The following RSRC1 variants were observed in gnomAD, a reference collection of about 807,000 sequenced individuals.
The protein encoded by RSRC1 is serine/Arginine-related protein 53.
A neutral mutation model predicts 49.1 loss-of-function variants in RSRC1; 39 were observed. The observed-to-expected ratio is 0.79, with a 90% CI of 0.61 to 1.04. The LOEUF (loss-of-function observed/expected upper bound fraction) is 1.04. Among genes scored for constraint, RSRC1 ranks in the 50% least tolerant of loss-of-function variants. The pLI is 0.00. For synonymous variants in RSRC1, 143 were observed against 130.8 expected (o/e 1.09, Z -0.63); for missense variants, 388 against 402.4 (o/e 0.96, Z 0.31).
At chr3:158,422,332 T>A (rs1192508089) in intron 6 of RSRC1, among the ~76,000 whole-genome samples, 6 of 150,686 alleles carry the variant, frequency 4.0e-5, no homozygotes, top group African/African-American at 1.5e-4. Context: ...GGTGTTTGGT[T>A]TTTTGTTCTT....
chr3:158,513,545 A>G (rs1458973309), intron 7 of RSRC1, among the ~76,000 whole-genome samples: 1 of 152,130 alleles, frequency 6.6e-6, no homozygotes, highest in East Asian at 1.9e-4. Context: ...TTTTTGCATC[A>G]ATGTTCATCA....
At chr3:158,231,039 C>T (rs547136145) in intron 4 of RSRC1, among the ~76,000 whole-genome samples, 29 of 151,526 alleles carry the variant, frequency 1.9e-4, no homozygotes, top group Non-Finnish European at 3.5e-4. Flanking sequence ...AGCCTATTCT[C>T]GTGTTTAGCA....
intron 5 of RSRC1, among the ~76,000 whole-genome samples, chr3:158,338,047 A>G (rs1033249500): frequency 1.3e-5 from 2 of 152,314 alleles, no homozygotes; most frequent in Non-Finnish European, 2.9e-5. Context: ...TGAGGAGGTA[A>G]TAGTATTGGA....
At chr3:158,440,827 A>G (rs1736343032) in intron 6 of RSRC1, among the ~76,000 whole-genome samples, 1 of 152,016 alleles carries the variant, frequency 6.6e-6, no homozygotes, top group African/African-American at 2.4e-5. Flanking sequence ...CTGTAATCCC[A>G]GCTACTTGGG....
intron 4 of RSRC1, among the ~76,000 whole-genome samples, chr3:158,256,777 G>A (rs1019066410): frequency 6.6e-6 from 1 of 152,070 alleles, no homozygotes; most frequent in African/African-American, 2.4e-5. Flanking sequence ...AGAGATTCAA[G>A]TTCGTCCTGG....
intron 6 of RSRC1, among the ~76,000 whole-genome samples, chr3:158,391,493 T>C (rs1382798184): frequency 2.0e-5 from 3 of 152,166 alleles, no homozygotes; most frequent in Non-Finnish European, 4.4e-5. Context: ...CTAGTAATGG[T>C]ATACCAAATG....
chr3:158,524,727 C>T (rs904711226), intron 7 of RSRC1, among the ~76,000 whole-genome samples: 1 of 151,958 alleles, frequency 6.6e-6, no homozygotes, highest in Non-Finnish European at 1.5e-5. Flanking sequence ...GGTAGAGAGA[C>T]CTTGCTCAAC....
At chr3:158,227,312 A>C in intron 4 of RSRC1, among the ~76,000 whole-genome samples, 1 of 151,806 alleles carries the variant, frequency 6.6e-6, no homozygotes, top group East Asian at 1.9e-4. Flanking sequence ...CTCTGCCCCC[A>C]AGATTAGACG....
intron 7 of RSRC1, among the ~76,000 whole-genome samples, chr3:158,525,876 G>A (rs541853757): frequency 6.6e-6 from 1 of 151,984 alleles, no homozygotes; most frequent in East Asian, 1.9e-4. Flanking sequence ...TTGTCTGGGG[G>A]TCAGGGTAGA....
chr3:158,244,583 T>C (rs1377312921), intron 4 of RSRC1, among the ~76,000 whole-genome samples: 1 of 152,202 alleles, frequency 6.6e-6, no homozygotes, highest in Non-Finnish European at 1.5e-5. Context: ...TGAAGTTTTC[T>C]TTTTGTTTTG....
chr3:158,527,127 C>T (rs1406347226), intron 7 of RSRC1, among the ~76,000 whole-genome samples: 1 of 142,900 alleles, frequency 7.0e-6, no homozygotes, highest in Non-Finnish European at 1.5e-5. Context: ...TGAATATACT[C>T]GCCGCTTCTG....
chr3:158,536,150 G>A (rs1460228524), intron 7 of RSRC1, among the ~76,000 whole-genome samples: 1 of 151,472 alleles, frequency 6.6e-6, no homozygotes, highest in Non-Finnish European at 1.5e-5. Flanking sequence ...ATATGATGTA[G>A]TAGGAATGAC....
intron 4 of RSRC1, among the ~76,000 whole-genome samples, chr3:158,274,517 T>C (rs1052050303): frequency 2.0e-5 from 3 of 152,124 alleles, no homozygotes; most frequent in Non-Finnish European, 4.4e-5. Flanking sequence ...TATGAGTACT[T>C]TCTGGAAATC....
chr3:158,126,765 C>A (rs1715652278), intron 3 of RSRC1, among the ~76,000 whole-genome samples: 1 of 152,096 alleles, frequency 6.6e-6, no homozygotes, highest in Non-Finnish European at 1.5e-5. Context: ...TAAGGCAGGT[C>A]TGGTAGTGAA....
intron 6 of RSRC1, among the ~76,000 whole-genome samples, chr3:158,446,411 T>C (rs1736722266): frequency 6.6e-6 from 1 of 151,866 alleles, no homozygotes; most frequent in Non-Finnish European, 1.5e-5. Context: ...CTATAAAATA[T>C]GTGGATTTAA....
At chr3:158,494,884 T>C (rs1739247150) in intron 7 of RSRC1, among the ~76,000 whole-genome samples, 1 of 152,184 alleles carries the variant, frequency 6.6e-6, no homozygotes. Context: ...TGATATCTTC[T>C]TCTAGAATAC....
chr3:158,463,309 G>A (rs1197876236), intron 7 of RSRC1, among the ~76,000 whole-genome samples: 2 of 151,952 alleles, frequency 1.3e-5, no homozygotes, highest in Non-Finnish European at 2.9e-5. Context: ...TTTCTCTTGA[G>A]TTGTCTAGAT....
At chr3:158,334,649 TTGTGTGTGTGTGTGTGTGTG>T (rs71840277) in intron 5 of RSRC1, among the ~76,000 whole-genome samples, 1 of 137,448 alleles carries the variant, frequency 7.3e-6, no homozygotes, top group African/African-American at 2.8e-5. Context: ...CCCAGCTAAT[TTGTGTGTGTGTGTGTGTGTG>T]TGTGTGTGTG....
intron 4 of RSRC1, among the ~76,000 whole-genome samples, chr3:158,252,841 G>C (rs1724299144): frequency 6.6e-6 from 1 of 151,956 alleles, no homozygotes; most frequent in Non-Finnish European, 1.5e-5. Flanking sequence ...GAATATTTCT[G>C]TTTCTTCTAG....
Sources: gnomAD v4.1 joint callset for allele counts (sites outside exome capture counted in the v4.1 genomes callset) on GRCh38, gnomAD v4.1.1 for gene constraint, MANE v1.5 for transcripts, NCBI Gene and HGNC (gene_info 2026-07-23, HGNC 2026-07-21) for gene names.